The following SFI1 variants were observed in gnomAD, a reference collection of about 807,000 sequenced individuals.
The protein encoded by SFI1 is protein SFI1 homolog.
In SFI1, 195 loss-of-function variants were observed where a neutral mutation model predicts 207.5. The observed-to-expected ratio is 0.94, with a 90% confidence interval of 0.84 to 1.06. The LOEUF is 1.06. SFI1 is among the 50% of genes least tolerant of loss of function. SFI1 has a pLI of 0.00. For synonymous variants in SFI1, 630 were observed against 598.9 expected (o/e 1.05, Z -0.76); for missense variants, 1,634 against 1,588.0 (o/e 1.03, Z -0.49).
At chr22:31,617,851 CAGG>C (rs1422143334) in intron 31 of SFI1, among the ~76,000 whole-genome samples, 11 of 152,174 alleles carry the variant, frequency 7.2e-5, no homozygotes, top group Admixed American at 6.5e-5. Flanking sequence ...TGGCTCTGCA[CAGG>C]GGGAGAGAGA....
chr22:31,575,517 C>G, intron 10 of SFI1, 125 bp downstream of exon 10: 1 of 1,004,812 alleles, frequency 1.0e-6, no homozygotes, highest in African/African-American at 1.6e-5. Context: ...ACAGCCTTAT[C>G]TCTGTTGACA....
At chr22:31,579,607 G>T (rs1006183277) in intron 11 of SFI1, among the ~76,000 whole-genome samples, 2 of 152,108 alleles carry the variant, frequency 1.3e-5, no homozygotes, top group African/African-American at 4.8e-5. Context: ...GAGCCACCAC[G>T]CCCGGCCTAA....
At chr22:31,543,661 T>C (rs139228020) in intron 4 of SFI1, among the ~76,000 whole-genome samples, 1,775 of 151,742 alleles carry the variant, frequency 0.012, 10 homozygotes, top group Middle Eastern at 0.031. Flanking sequence ...AGTACAAAAA[T>C]TAGCTGGGCA....
chr22:31,561,078 C>T lies in SFI1; in HGVS notation c.663-212C>T, dbSNP rs148682375. Among the ~76,000 whole-genome samples, 292 of 152,244 alleles carry T rather than the reference C, an allele frequency of 1.9e-3. 1 individual carries two copies. Among genetic ancestry groups the T allele is most frequent in the African/African-American group, 6.6e-3 (273 of 41,542 alleles). ...TGTGGTGTCTAAAGCAGGATCTGAC[C>T]GTAGGAACCATAAGTTTCCAACCAT... is the stretch of plus-strand genomic sequence containing the variant. On this transcript the variant is annotated intron_variant, in intron 7 of 32. Coordinates refer to ENST00000400288, the MANE Select transcript of SFI1 (RefSeq NM_001007467.3).
chr22:31,616,695 G>C, intron 29 of SFI1, 50 bp from the exon 30 acceptor site: 1 of 1,504,190 alleles, frequency 6.6e-7, no homozygotes, highest in East Asian at 2.3e-5. Context: ...CCCCCTCCCT[G>C]GCTTCCTCCT....
In SFI1 at chr22:31,613,846, C is replaced by G; in HGVS notation, c.2987C>G (p.Ala996Gly). ...LGRLAAEEPH[A>G]LELNTAHSAR... is the part of the protein sequence containing the mutation. ...CGCCTGGCTGCTGAGGAGCCCCACG[C>G]CCTGGAGCTGTGAGTAGCCTGTGCT... is the stretch of plus-strand genomic sequence containing the variant. Residue 996 changes from alanine (A) to glycine (G), a missense_variant, in exon 27 of 33, where the codon GCC (alanine) becomes GGC (glycine). By Grantham distance (60) the Ala-to-Gly change is moderately conservative. Transcript: ENST00000400288. 6.2e-7 allele frequency: 1 copy of G among 1,602,500 alleles called. No individual in the cohort carries two copies. The highest frequency in any genetic ancestry group is 1.1e-5 in the South Asian group (1 of 90,116).
Position 31,528,704 on chromosome 22 carries a change from G to A in SFI1, c.107G>A (p.Gly36Asp), listed in dbSNP as rs764661247. The change falls in exon 3 of 33, where the codon GGT becomes GAT. Residue 36 changes from glycine to aspartate, a missense_variant. Coordinates refer to ENST00000400288, the MANE Select transcript of SFI1 (RefSeq NM_001007467.3). ...KKVDSRYFKD[G>D]AVKKPYSAKT... ...TCAAATTTAAGGTATTTTAAGGATG[G>A]TGCAGTTAAGAAACCTTATTCTGCA... The A allele has an allele frequency of 3.7e-6, 6 of 1,613,862 alleles. No homozygotes were observed. Among genetic ancestry groups the A allele is most frequent in the Non-Finnish European group, 5.1e-6 (6 of 1,179,876 alleles).
chr22:31,616,573 G>A, intron 29 of SFI1, 172 bp from the exon 30 acceptor site: 3 of 639,224 alleles, frequency 4.7e-6, no homozygotes, highest in South Asian at 2.4e-5. Flanking sequence ...GTGTGCAGGG[G>A]CAGGCTAGAC....
chr22:31,588,019 C>T (rs1403318049), intron 14 of SFI1: 1 of 152,088 alleles, frequency 6.6e-6, no homozygotes, highest in East Asian at 1.9e-4. Context: ...TGTAAAAAAT[C>T]ACCCCAAACT....
chr22:31,587,246 GTAA>G (rs2065137964), intron 14 of SFI1: 5 of 264,470 alleles, frequency 1.9e-5, no homozygotes, highest in South Asian at 1.8e-4. Flanking sequence ...GGTATTATGA[GTAA>G]TCTAGAGATG....
At chr22:31,530,519 G>T (rs1309557709) in intron 3 of SFI1, 1 of 134,194 alleles carries the variant, frequency 7.5e-6, no homozygotes, top group South Asian at 6.1e-5. Context: ...AAAAAGACAA[G>T]CCACCTTTGT....
At chr22:31,548,274 A>G (rs2060286944) in intron 5 of SFI1, among the ~76,000 whole-genome samples, 1 of 151,774 alleles carries the variant, frequency 6.6e-6, no homozygotes, top group Admixed American at 6.6e-5. Flanking sequence ...TTATGGGAGA[A>G]AATATATGGG....
In SFI1 at chr22:31,613,792, A is replaced by G. The variant is rs1419966970; in HGVS notation, c.2933A>G (p.Gln978Arg). The change falls in exon 27 of 33, where the codon CAG (glutamine) becomes CGG (arginine). Residue 978 changes from glutamine to arginine, a missense_variant. Gln to Arg is a conservative substitution (Grantham distance 43). Transcript: ENST00000400288. ...GDGTLETKRP[Q>R]ASRPLGALGR... Reference sequence around the variant, plus strand: ...GGCACCCTTGAGACCAAGAGGCCACAGGCTTCTCGGCCTCTGGGAGCTCTG... The same window carrying G: ...GGCACCCTTGAGACCAAGAGGCCACGGGCTTCTCGGCCTCTGGGAGCTCTG... 1.2e-6 allele frequency: 2 copies of G among 1,612,060 alleles called. No individual in the cohort carries two copies. Among genetic ancestry groups the G allele is most frequent in the Middle Eastern group, 1.7e-4 (1 of 5,964 alleles).
At position 31,613,159 on chromosome 22, in the gene SFI1, G is replaced by A. The variant is rs2070685693; in HGVS notation, c.2508G>A (p.Gln836=). 1 of 1,613,646 alleles carries A rather than the reference G, an allele frequency of 6.2e-7. No homozygotes were observed. The highest frequency in any genetic ancestry group is 8.5e-7 in the Non-Finnish European group (1 of 1,179,984). ...GGCCCTAGCTGGCAGCCAGGAGGCAGGAGCAGCGGGCGACAGTGCGGGCCC... is the reference window on the plus strand; with the variant it reads ...GGCCCTAGCTGGCAGCCAGGAGGCAAGAGCAGCGGGCGACAGTGCGGGCCC... ...QWRQQLAARR[Q]EQRATVRALW... is the part of the protein sequence containing the mutation. The change falls in exon 25 of 33, where the codon CAG becomes CAA. Residue 836 remains glutamine (Q), a synonymous_variant. Transcript: ENST00000400288.
chr22:31,496,313 G>A (rs1185861421), upstream of SFI1: 1 of 152,298 alleles, frequency 6.6e-6, no homozygotes, highest in African/African-American at 2.4e-5. Flanking sequence ...GAGCCAAGGA[G>A]ATAAAGAACC....
In SFI1 at chr22:31,614,653, C is replaced by G. The variant is rs770890756; in HGVS notation, c.2997-136C>G. ...GGGAGCTCTATGGCCCAGGCCCACC[C>G]CAGCTTACTTGCTGACCTTGGCCTC... On this transcript the variant is annotated intron_variant, in intron 27 of 32. Coordinates refer to ENST00000400288, the MANE Select transcript of SFI1 (RefSeq NM_001007467.3). 5 of 975,086 alleles carry G rather than the reference C, an allele frequency of 5.1e-6. No homozygotes were observed. In the South Asian group the frequency reaches 5.5e-5, roughly 11 times the overall value. 60.4% of individuals were successfully genotyped at this position (975,086 alleles called of 1,614,324 possible).
rs567965270 is a variant in SFI1 at position 31,502,380 on chromosome 22, T to G, written c.-31+5743T>G. Among the ~76,000 whole-genome samples, 4 of 152,144 alleles carry G rather than the reference T, an allele frequency of 2.6e-5. No homozygotes were observed. The East Asian group carries it at 7.7e-4, about 29-fold the overall frequency. ...GCTGGATGATATTCAGGTTCAATTT[T>G]TTTTTTTTTTTGAGATGGAGTTTCA... On this transcript the variant is annotated intron_variant, in intron 1 of 32. Transcript: ENST00000400288.
chr22:31,532,857 C>T (rs1430372306), intron 4 of SFI1, among the ~76,000 whole-genome samples: 8 of 152,152 alleles, frequency 5.3e-5, no homozygotes, highest in Admixed American at 1.3e-4. Context: ...AGGTCTCAAA[C>T]CGGCCTCCCC....
chr22:31,604,966 C>T lies in SFI1; in HGVS notation c.2054+21C>T, dbSNP rs116881687. The T allele has an allele frequency of 3.8e-6, 6 of 1,574,538 alleles. No homozygotes were observed. In the East Asian group the frequency reaches 1.2e-4, roughly 31 times the overall value. On this transcript the variant is annotated intron_variant, in intron 20 of 32. Coordinates refer to ENST00000400288, the MANE Select transcript of SFI1 (RefSeq NM_001007467.3). Reference sequence around the variant, plus strand: ...CTGCGGTGAGTCTCCCGGGCGCCTCCCAAGCTCCAGCTGGGGAACAAGGAA... The same window carrying T: ...CTGCGGTGAGTCTCCCGGGCGCCTCTCAAGCTCCAGCTGGGGAACAAGGAA...
Sources: allele counts gnomAD v4.1 joint callset (sites outside exome capture counted in the v4.1 genomes callset), GRCh38; gene constraint gnomAD v4.1.1; transcripts MANE v1.5; gene names NCBI Gene and HGNC (gene_info 2026-07-23, HGNC 2026-07-21).